SFMBT2: variants seen among roughly 807,000 people sequenced by gnomAD.
SFMBT2 encodes the protein scm-like with four MBT domains protein 2.
SFMBT2 carries 38 observed loss-of-function variants against 110.1 expected under a neutral mutation model. That is an observed-to-expected ratio of 0.35 (90% CI 0.27 to 0.45). The LOEUF is 0.45. SFMBT2 is among the 20% of genes least tolerant of loss of function. The pLI, the probability that SFMBT2 is intolerant of heterozygous loss-of-function variation, is 1.00. For synonymous variants in SFMBT2, 425 were observed against 425.4 expected (o/e 1.00, Z 0.01); for missense variants, 1,011 against 1,094.9 (o/e 0.92, Z 1.08).
intron 4 of SFMBT2, among the ~76,000 whole-genome samples, chr10:7,338,074 C>T (rs1014109670): frequency 6.6e-6 from 1 of 152,192 alleles, no homozygotes; most frequent in Non-Finnish European, 1.5e-5. Flanking sequence ...CTAAACCAAA[C>T]CAACAGCTCT....
chr10:7,214,775 T>C lies in SFMBT2; in HGVS notation c.1330+5636A>G, dbSNP rs577082782. 1.0e-5 allele frequency: 10 copies of C among 985,160 alleles called. No individual in the cohort carries two copies. The African/African-American group carries it at 1.2e-4, about 12-fold the overall frequency. 61.0% of individuals were successfully genotyped at this position (985,160 alleles called of 1,614,324 possible). ...AGCTTGATACCTGTAGGGTGTGTTT[T>C]GTCATTATTTATTTTTCCCACCCAT... On this transcript the variant is annotated intron_variant, in intron 11 of 20. Coordinates refer to ENST00000397167, the MANE Select transcript of SFMBT2 (RefSeq NM_001387889.1).
intron 1 of SFMBT2, among the ~76,000 whole-genome samples, chr10:7,402,002 T>C (rs1003083672): frequency 5.3e-5 from 8 of 152,170 alleles, no homozygotes; most frequent in Non-Finnish European, 8.8e-5. Context: ...TGGTACCATT[T>C]ATATCCAGTG....
intron 7 of SFMBT2, among the ~76,000 whole-genome samples, chr10:7,268,098 A>G (rs1841451531): frequency 6.6e-6 from 1 of 152,226 alleles, no homozygotes. Context: ...AATTGCTGGG[A>G]ACGAAAAAGT....
At chr10:7,379,566 G>A (rs184833256) in intron 2 of SFMBT2, among the ~76,000 whole-genome samples, 3 of 152,176 alleles carry the variant, frequency 2.0e-5, no homozygotes, top group Admixed American at 2.0e-4. Context: ...AGTCTGTATC[G>A]TCATCTAAAA....
intron 13 of SFMBT2, 42 bp from the exon 14 acceptor site, chr10:7,200,526 T>C: frequency 1.3e-6 from 2 of 1,513,452 alleles, no homozygotes; most frequent in Non-Finnish European, 9.0e-7. Flanking sequence ...CCACAAGCTT[T>C]AGAAGGAACT....
chr10:7,277,015 A>C, intron 6 of SFMBT2, 26 bp from the exon 7 acceptor site: 1 of 855,550 alleles, frequency 1.2e-6, no homozygotes, highest in East Asian at 2.4e-5. Flanking sequence ...ATCACAGAAG[A>C]GTTGAAGGAC....
intron 11 of SFMBT2, among the ~76,000 whole-genome samples, chr10:7,211,691 A>G (rs1215527649): frequency 6.6e-6 from 1 of 152,186 alleles, no homozygotes; most frequent in East Asian, 1.9e-4. Context: ...AAGGTTTCAT[A>G]GAGGCCATAC....
chr10:7,207,673 T>G, intron 11 of SFMBT2: 1 of 936,660 alleles, frequency 1.1e-6, no homozygotes, highest in Non-Finnish European at 1.3e-6. Flanking sequence ...TTCACGAAGC[T>G]AAATGCCAAC....
chr10:7,163,785 G>A lies in SFMBT2; in HGVS notation c.2670C>T (p.Ala890=). Residue 890 remains alanine, a synonymous_variant, in exon 21 of 21, where the codon GCC becomes GCT. Transcript: ENST00000397167. This position sits in a 1 kb window ranked among gnomAD's most constrained non-coding sequence, Gnocchi z 4.8. The stretch of plus-strand genomic sequence containing the variant: ...GAGGGCAGACTCAGTTGGCGTACTG[G>A]GCGTAGAAAGCCACTTTGACTCTCT... ...QIERVKVAFY[A]QYAN The A allele has an allele frequency of 6.2e-7, 1 of 1,614,118 alleles. No individual in the cohort carries two copies. The highest frequency in any genetic ancestry group is 8.5e-7 in the Non-Finnish European group (1 of 1,180,008).
At chr10:7,229,727 GTT>G (rs374010287) in intron 9 of SFMBT2, among the ~76,000 whole-genome samples, 3 of 145,648 alleles carry the variant, frequency 2.1e-5, no homozygotes, top group Admixed American at 6.8e-5. Context: ...TGTTGTTGTT[GTT>G]TTTTTTTTTG....
At chr10:7,271,690 G>A (rs976318987) in intron 7 of SFMBT2, among the ~76,000 whole-genome samples, 6 of 152,174 alleles carry the variant, frequency 3.9e-5, no homozygotes, top group African/African-American at 1.2e-4. Context: ...AGATGTACCC[G>A]AGACTGGGCA....
intron 4 of SFMBT2, among the ~76,000 whole-genome samples, chr10:7,342,313 A>T (rs1260823635): frequency 6.6e-6 from 1 of 151,878 alleles, no homozygotes; most frequent in Non-Finnish European, 1.5e-5. Context: ...TTTGACTCGT[A>T]AACTGAATGG....
At chr10:7,326,707 A>C (rs1463776576) in intron 4 of SFMBT2, among the ~76,000 whole-genome samples, 1 of 152,200 alleles carries the variant, frequency 6.6e-6, no homozygotes, top group African/African-American at 2.4e-5. Flanking sequence ...TTAATTGTGC[A>C]CCTCTGATTA....
At chr10:7,283,760 G>A (rs891972089) in intron 6 of SFMBT2, 144 bp downstream of exon 6, 3 of 691,918 alleles carry the variant, frequency 4.3e-6, no homozygotes, top group South Asian at 1.8e-5. Flanking sequence ...TCTATGGAAA[G>A]CATTGTGAAG....
At chr10:7,273,223 C>CAAAA (rs1841656430) in intron 7 of SFMBT2, among the ~76,000 whole-genome samples, 2 of 152,220 alleles carry the variant, frequency 1.3e-5, no homozygotes, top group Non-Finnish European at 2.9e-5. Context: ...ATGTAGACAG[C>CAAAA]ATTTTATCAT....
At chr10:7,265,460 C>CA (rs1841355898) in intron 7 of SFMBT2, among the ~76,000 whole-genome samples, 1 of 152,288 alleles carries the variant, frequency 6.6e-6, no homozygotes, top group South Asian at 2.1e-4. Context: ...CCTGGCCTCT[C>CA]AAAGTGCTGA....
At chr10:7,357,068 T>C (rs1334379018) in intron 4 of SFMBT2, among the ~76,000 whole-genome samples, 2 of 152,250 alleles carry the variant, frequency 1.3e-5, no homozygotes, top group African/African-American at 2.4e-5. Context: ...AGGGCATCTA[T>C]ATTCAGAAAT....
At chr10:7,222,478 T>A (rs1839774152) in intron 10 of SFMBT2, among the ~76,000 whole-genome samples, 1 of 152,212 alleles carries the variant, frequency 6.6e-6, no homozygotes, top group Non-Finnish European at 1.5e-5. Context: ...GAGGTCTCTC[T>A]CCTTGACTTG....
At chr10:7,262,257 G>T (rs915230489) in intron 7 of SFMBT2, among the ~76,000 whole-genome samples, 1 of 151,838 alleles carries the variant, frequency 6.6e-6, no homozygotes, top group Non-Finnish European at 1.5e-5. Context: ...GGGGATGGGG[G>T]AGCCACCTCC....
Sources: allele counts gnomAD v4.1 joint callset (sites outside exome capture counted in the v4.1 genomes callset), GRCh38; gene constraint gnomAD v4.1.1; non-coding constraint Gnocchi (gnomAD v3.1); transcripts MANE v1.5; gene names NCBI Gene and HGNC (gene_info 2026-07-23, HGNC 2026-07-21).